CLSTN2: variants seen among roughly 807,000 people sequenced by gnomAD.
The protein encoded by CLSTN2 is calsyntenin-2.
CLSTN2 carries 48 observed loss-of-function variants against 101.2 expected under a neutral mutation model. The observed-to-expected ratio is 0.47, with a 90% CI of 0.38 to 0.60. The LOEUF is 0.60. Ranked by LOEUF, CLSTN2 falls within the 20% of genes least tolerant of loss-of-function variation. The pLI, the probability that CLSTN2 is intolerant of heterozygous loss-of-function variation, is 0.00. For synonymous variants in CLSTN2, 481 were observed against 463.6 expected (o/e 1.04, Z -0.48); for missense variants, 1,160 against 1,238.2 (o/e 0.94, Z 0.95).
intron 1 of CLSTN2, among the ~76,000 whole-genome samples, chr3:140,000,714 G>A (rs1045003984): frequency 3.3e-5 from 5 of 152,144 alleles, no homozygotes; most frequent in Admixed American, 6.5e-5. Flanking sequence ...GTGCTGCCAG[G>A]GGATGTTGCT....
At chr3:140,105,803 C>T (rs930518294) in intron 1 of CLSTN2, among the ~76,000 whole-genome samples, 4 of 152,280 alleles carry the variant, frequency 2.6e-5, no homozygotes, top group Admixed American at 6.5e-5. Context: ...TTTTCCTCCT[C>T]AGCATATGTG....
At chr3:140,265,802 C>T (rs1320556903) in intron 2 of CLSTN2, among the ~76,000 whole-genome samples, 1 of 152,140 alleles carries the variant, frequency 6.6e-6, no homozygotes, top group Non-Finnish European at 1.5e-5. Flanking sequence ...ATCAAAGGGA[C>T]ACTCAGGGCT....
intron 2 of CLSTN2, among the ~76,000 whole-genome samples, chr3:140,387,724 A>G (rs1019583758): frequency 6.6e-6 from 1 of 152,264 alleles, no homozygotes; most frequent in Admixed American, 6.5e-5. Context: ...TTAACTTCAA[A>G]TTAAAAGATA....
intron 2 of CLSTN2, among the ~76,000 whole-genome samples, chr3:140,183,324 A>G: frequency 6.6e-6 from 1 of 152,130 alleles, no homozygotes; most frequent in Non-Finnish European, 1.5e-5. Context: ...ATTTCCTGGG[A>G]TGTGTGACTT....
intron 4 of CLSTN2, among the ~76,000 whole-genome samples, chr3:140,411,283 A>G (rs1331404487): frequency 2.0e-5 from 3 of 152,246 alleles, no homozygotes; most frequent in Non-Finnish European, 2.9e-5. Flanking sequence ...CTATACTTAT[A>G]TCAAACAAAA....
At chr3:140,091,050 A>G (rs7646814) in intron 1 of CLSTN2, among the ~76,000 whole-genome samples, 26,116 of 152,006 alleles carry the variant, frequency 0.17, 2,811 homozygotes, top group East Asian at 0.33. Flanking sequence ...TCTGTCGACA[A>G]CTGTGTCCCC....
At chr3:139,968,942 CT>C (rs1049367309) in intron 1 of CLSTN2, among the ~76,000 whole-genome samples, 2 of 152,076 alleles carry the variant, frequency 1.3e-5, no homozygotes, top group South Asian at 2.1e-4. Context: ...ATTATTAACA[CT>C]TTTTTCTCAT....
chr3:140,422,744 C>A (rs1282529919), intron 5 of CLSTN2, among the ~76,000 whole-genome samples: 2 of 152,164 alleles, frequency 1.3e-5, no homozygotes, highest in Non-Finnish European at 2.9e-5. Context: ...GGAGCCTGAG[C>A]TCTGATTGGC....
chr3:140,016,856 C>A (rs944906855), intron 1 of CLSTN2, among the ~76,000 whole-genome samples: 1 of 150,134 alleles, frequency 6.7e-6, no homozygotes, highest in African/African-American at 2.5e-5. Flanking sequence ...ATGATGGATG[C>A]ATAAAGTATA....
chr3:140,066,278 A>G (rs926187446), intron 1 of CLSTN2, among the ~76,000 whole-genome samples: 4 of 152,214 alleles, frequency 2.6e-5, no homozygotes, highest in African/African-American at 9.6e-5. Flanking sequence ...TGAGCTGCAG[A>G]GCAGCCTCCC....
intron 2 of CLSTN2, among the ~76,000 whole-genome samples, chr3:140,228,784 C>G (rs1365550250): frequency 6.6e-6 from 1 of 152,158 alleles, no homozygotes; most frequent in Non-Finnish European, 1.5e-5. Context: ...CAGGGGAACT[C>G]CTGTTTTTAA....
At chr3:140,105,259 A>G (rs541147926) in intron 1 of CLSTN2, among the ~76,000 whole-genome samples, 2 of 152,240 alleles carry the variant, frequency 1.3e-5, no homozygotes, top group Admixed American at 6.5e-5. Flanking sequence ...ATGCCTGTTT[A>G]TAACTATGCT....
intron 2 of CLSTN2, among the ~76,000 whole-genome samples, chr3:140,275,878 T>A (rs1272926174): frequency 1.3e-5 from 2 of 152,172 alleles, no homozygotes; most frequent in East Asian, 3.9e-4. Context: ...GGTGAGGGCT[T>A]CCTGAATGTT....
intron 2 of CLSTN2, among the ~76,000 whole-genome samples, chr3:140,394,508 A>G (rs1480620187): frequency 6.6e-6 from 1 of 152,240 alleles, no homozygotes; most frequent in Admixed American, 6.5e-5. Flanking sequence ...TGGTGGTTAC[A>G]TGACAGCAAG....
intron 3 of CLSTN2, among the ~76,000 whole-genome samples, chr3:140,404,078 T>G (rs2088276436): frequency 6.6e-6 from 1 of 152,216 alleles, no homozygotes; most frequent in African/African-American, 2.4e-5. Flanking sequence ...AGGTGTCACT[T>G]CTTCCAGAAA....
chr3:140,515,998 T>A (rs1001721073), intron 8 of CLSTN2, among the ~76,000 whole-genome samples: 46 of 152,058 alleles, frequency 3.0e-4, no homozygotes, highest in African/African-American at 1.1e-3. Flanking sequence ...GTAGTAATTG[T>A]ATAAATTTCG....
chr3:139,945,886 A>C lies in CLSTN2; in HGVS notation c.109+10403A>C, dbSNP rs193092336. On this transcript the variant is annotated intron_variant, in intron 1 of 16. Transcript: ENST00000458420. ...AAGCTGACCCATATATAGCATTAAG[A>C]AAAATAATCACATTTCTATAAATTA... Among the ~76,000 whole-genome samples, 173 of 152,350 alleles carry C rather than the reference A, an allele frequency of 1.1e-3. 1 individual carries two copies. In the East Asian group the frequency reaches 0.023, roughly 21 times the overall value.
In CLSTN2 at chr3:140,419,492, A is replaced by ATAT. The variant is rs1553741983; in HGVS notation, c.638-1633_638-1632insTAT. On this transcript the variant is annotated intron_variant, in intron 4 of 16. Transcript: ENST00000458420. ...AGCCAGACTCTGTCTCAAAAAAAAA[A>ATAT]AAATATATATATATATATATACACA... Among the ~76,000 whole-genome samples, 18 of 70,090 alleles carry ATAT rather than the reference A, an allele frequency of 2.6e-4. 4 individuals carry two copies. Among genetic ancestry groups the ATAT allele is most frequent in the Non-Finnish European group, 4.8e-5 (2 of 42,042 alleles). The allele number at this position is 70,090 out of a possible 152,430, so 46.0% of individuals were successfully genotyped here.
chr3:140,262,174 G>A (rs2086659162), intron 2 of CLSTN2, among the ~76,000 whole-genome samples: 1 of 152,164 alleles, frequency 6.6e-6, no homozygotes, highest in South Asian at 2.1e-4. Context: ...GCATGTTTAT[G>A]TGCTGCTGGA....
Sources: allele counts gnomAD v4.1 joint callset (sites outside exome capture counted in the v4.1 genomes callset), GRCh38; gene constraint gnomAD v4.1.1; transcripts MANE v1.5; gene names NCBI Gene and HGNC (gene_info 2026-07-23, HGNC 2026-07-21).